The following RIMS2 variants were observed in gnomAD, a reference collection of about 807,000 sequenced individuals.
The protein encoded by RIMS2 is regulating synaptic membrane exocytosis 2, also known as regulating synaptic membrane exocytosis protein 2.
RIMS2 carries 59 observed loss-of-function variants against 174.4 expected under a neutral mutation model. That is an observed-to-expected ratio of 0.34 (90% CI 0.27 to 0.42). The LOEUF is 0.42. Among genes scored for constraint, RIMS2 ranks in the 10% least tolerant of loss-of-function variants. RIMS2 has a pLI of 1.00. For missense variants in RIMS2, 1,620 were observed against 1,666.3 expected (o/e 0.97, Z 0.48); for synonymous variants, 606 against 572.5 (o/e 1.06, Z -0.84).
At chr8:104,082,510 G>C (rs2097442171) in intron 19 of RIMS2, among the ~76,000 whole-genome samples, 1 of 152,076 alleles carries the variant, frequency 6.6e-6, no homozygotes, top group Non-Finnish European at 1.5e-5. Flanking sequence ...CAAAGTTATG[G>C]CGTTACATGA....
intron 17 of RIMS2, among the ~76,000 whole-genome samples, chr8:104,000,067 G>T (rs1477147619): frequency 1.3e-5 from 2 of 151,538 alleles, no homozygotes; most frequent in East Asian, 3.9e-4. Flanking sequence ...TATTTGCCTT[G>T]CCCTAGTGCA....
intron 5 of RIMS2, 55 bp from the exon 8 acceptor site, chr8:103,910,266 A>G (rs1373983294): frequency 1.4e-6 from 2 of 1,463,796 alleles, no homozygotes; most frequent in African/African-American, 1.5e-5. Context: ...TTTTATTTAC[A>G]CCTTTGCATG....
At chr8:103,962,206 T>C (rs942790974) in intron 15 of RIMS2, among the ~76,000 whole-genome samples, 2 of 152,162 alleles carry the variant, frequency 1.3e-5, no homozygotes, top group Non-Finnish European at 2.9e-5. Flanking sequence ...TTCTGTCCTT[T>C]CATTTTCTGT....
chr8:104,160,454 A>G (rs1284407999), intron 19 of RIMS2, among the ~76,000 whole-genome samples: 1 of 152,186 alleles, frequency 6.6e-6, no homozygotes, highest in Non-Finnish European at 1.5e-5. Flanking sequence ...TCATATGGAT[A>G]TATGTCAAAT....
At chr8:104,040,647 C>T (rs2096592909) in intron 19 of RIMS2, among the ~76,000 whole-genome samples, 2 of 151,686 alleles carry the variant, frequency 1.3e-5, no homozygotes, top group East Asian at 1.9e-4. Flanking sequence ...AATTTGTCTA[C>T]ATTGAAGTTT....
intron 3 of RIMS2, among the ~76,000 whole-genome samples, chr8:103,792,637 G>GT (rs57893772): frequency 0.31 from 42,278 of 137,258 alleles, 7,114 homozygotes; most frequent in East Asian, 0.73. Flanking sequence ...CCAGGAGCTG[G>GT]TTTTTTTTTT....
At chr8:104,077,903 G>T (rs188313382) in intron 19 of RIMS2, among the ~76,000 whole-genome samples, 1 of 151,784 alleles carries the variant, frequency 6.6e-6, no homozygotes, top group Admixed American at 6.6e-5. Context: ...AGCACTTCGG[G>T]AGGCCAAGGC....
rs189655106 is a variant in RIMS2 at position 104,176,275 on chromosome 8, T to C, written c.3335-68641T>C. Among the ~76,000 whole-genome samples the C allele has an allele frequency of 3.3e-5, 5 of 152,260 alleles. No homozygotes were observed. In the East Asian group the frequency reaches 9.7e-4, roughly 29 times the overall value. On this transcript the variant is annotated intron_variant, in intron 19 of 23. Transcript: ENST00000504942. ...TTTTTTCCTGTCTTCCATTTGGACC[T>C]CATCAAAATAAGTAAGATAATTGGT...
At chr8:104,009,545 CCTCA>C (rs2095691246) in intron 17 of RIMS2, among the ~76,000 whole-genome samples, 1 of 152,040 alleles carries the variant, frequency 6.6e-6, no homozygotes, top group Admixed American at 6.6e-5. Flanking sequence ...CATCTGTCTG[CCTCA>C]ATCTGAAAGT....
At chr8:104,007,494 C>A (rs1288770732) in intron 17 of RIMS2, among the ~76,000 whole-genome samples, 2 of 152,120 alleles carry the variant, frequency 1.3e-5, no homozygotes, top group African/African-American at 4.8e-5. Flanking sequence ...TTCTGTTATT[C>A]CTAGCATTTC....
intron 3 of RIMS2, among the ~76,000 whole-genome samples, chr8:103,800,835 C>T (rs72679499): frequency 0.13 from 19,904 of 152,104 alleles, 1,765 homozygotes; most frequent in Non-Finnish European, 0.2. Flanking sequence ...TGCTGGCCTC[C>T]TAAGATAAGT....
At chr8:103,937,365 G>T (rs1255451716) in intron 13 of RIMS2, among the ~76,000 whole-genome samples, 1 of 152,102 alleles carries the variant, frequency 6.6e-6, no homozygotes, top group Non-Finnish European at 1.5e-5. Flanking sequence ...TATATATCTT[G>T]GTAGTTTACT....
chr8:103,842,704 C>G (rs1462136926), intron 3 of RIMS2, among the ~76,000 whole-genome samples: 1 of 152,048 alleles, frequency 6.6e-6, no homozygotes, highest in African/African-American at 2.4e-5. Context: ...TTCATATTGT[C>G]CTATTTGTAA....
chr8:103,788,819 G>T (rs2154441086), intron 3 of RIMS2, among the ~76,000 whole-genome samples: 1 of 152,370 alleles, frequency 6.6e-6, no homozygotes, highest in East Asian at 1.9e-4. Context: ...CTTGCTGGCT[G>T]CTTTGTTTAT....
At chr8:104,012,078 T>C (rs2095780140) in intron 17 of RIMS2, among the ~76,000 whole-genome samples, 1 of 151,978 alleles carries the variant, frequency 6.6e-6, no homozygotes, top group Non-Finnish European at 1.5e-5. Context: ...TTTATATATT[T>C]ACATTTAATG....
intron 13 of RIMS2, among the ~76,000 whole-genome samples, chr8:103,938,235 C>T (rs947804699): frequency 2.0e-5 from 3 of 152,136 alleles, no homozygotes; most frequent in South Asian, 2.1e-4. Context: ...TTCATTTTCA[C>T]GCTGCTGATA....
chr8:103,521,989 G>GT (rs201897344), intron 1 of RIMS2, among the ~76,000 whole-genome samples: 4 of 151,808 alleles, frequency 2.6e-5, no homozygotes, highest in South Asian at 2.1e-4. Context: ...GGCTAGTAAT[G>GT]TTTTTTTTCT....
At chr8:103,800,330 T>C (rs955783942) in intron 3 of RIMS2, among the ~76,000 whole-genome samples, 7 of 152,246 alleles carry the variant, frequency 4.6e-5, no homozygotes, top group African/African-American at 1.7e-4. Flanking sequence ...ATTTCATTTT[T>C]TTATCCTATT....
intron 19 of RIMS2, among the ~76,000 whole-genome samples, chr8:104,237,670 T>G (rs1235989417): frequency 6.6e-6 from 1 of 152,198 alleles, no homozygotes; most frequent in Non-Finnish European, 1.5e-5. Flanking sequence ...GCTTTTGGAA[T>G]GAATGGATTC....
Sources: gnomAD v4.1 joint callset for allele counts (sites outside exome capture counted in the v4.1 genomes callset) on GRCh38, gnomAD v4.1.1 for gene constraint, MANE v1.5 for transcripts, NCBI Gene and HGNC (gene_info 2026-07-23, HGNC 2026-07-21) for gene names.